ST7: variants seen among roughly 807,000 people sequenced by gnomAD.
ST7 encodes suppression of tumorigenicity 7.
A neutral mutation model predicts 78.7 loss-of-function variants in ST7; 28 were observed. That is an observed-to-expected ratio of 0.36 (90% CI 0.26 to 0.49). The LOEUF is 0.49. ST7 is among the 20% of genes least tolerant of loss of function. The pLI is 0.99. For missense variants in ST7, 418 were observed against 696.0 expected, an observed-to-expected ratio of 0.60 and a Z score of 4.49; for synonymous variants, 247 against 249.6, an observed-to-expected ratio of 0.99 and a Z score of 0.10.
intron 1 of ST7, chr7:117,015,085 T>G: frequency 2.5e-6 from 2 of 790,744 alleles, no homozygotes; most frequent in Non-Finnish European, 3.5e-6. Flanking sequence ...AATTTATATT[T>G]TAAAAACTAC....
chr7:117,106,616 C>CTTTTTTTTTTTT (rs758855564), intron 2 of ST7, among the ~76,000 whole-genome samples: 6 of 107,722 alleles, frequency 5.6e-5, no homozygotes, highest in Non-Finnish European at 7.8e-5. Context: ...TTGTATCATT[C>CTTTTTTTTTTTT]TTTTTTTTTT....
At chr7:116,988,404 G>A (rs1049140934) in intron 1 of ST7, among the ~76,000 whole-genome samples, 1 of 152,100 alleles carries the variant, frequency 6.6e-6, no homozygotes, top group South Asian at 2.1e-4. Flanking sequence ...AAACTGGTTC[G>A]CTTGAAGCCA....
chr7:117,224,593 G>A (rs1793321690), intron 15 of ST7, among the ~76,000 whole-genome samples: 1 of 152,146 alleles, frequency 6.6e-6, no homozygotes, highest in African/African-American at 2.4e-5. Flanking sequence ...GTAAAAATAT[G>A]TCATTAGTCC....
At chr7:116,999,239 A>G (rs1024697036) in intron 1 of ST7, among the ~76,000 whole-genome samples, 4 of 152,342 alleles carry the variant, frequency 2.6e-5, no homozygotes, top group African/African-American at 7.2e-5. Flanking sequence ...GAACTCTGGT[A>G]TACAAGGAAT....
chr7:117,068,585 T>C (rs2116491197), intron 1 of ST7, among the ~76,000 whole-genome samples: 1 of 152,356 alleles, frequency 6.6e-6, no homozygotes, highest in East Asian at 1.9e-4. Context: ...CTTACTCTAT[T>C]AGAAAAATGA....
intron 2 of ST7, among the ~76,000 whole-genome samples, chr7:117,112,850 A>G (rs907858603): frequency 3.3e-5 from 5 of 152,196 alleles, no homozygotes; most frequent in Admixed American, 2.6e-4. Context: ...CCTGCAGACA[A>G]TGAGAGGAAA....
chr7:117,086,712 T>C (rs766419755), intron 1 of ST7, among the ~76,000 whole-genome samples: 1 of 152,198 alleles, frequency 6.6e-6, no homozygotes, highest in Non-Finnish European at 1.5e-5. Flanking sequence ...AAAATATCAG[T>C]GCTCCAGTTT....
chr7:117,172,730 A>G (rs193568), intron 10 of ST7, among the ~76,000 whole-genome samples: 19,197 of 152,234 alleles, frequency 0.13, 2,277 homozygotes, highest in African/African-American at 0.31. Context: ...GGGTTCAGGC[A>G]GCAGTGCACT....
chr7:117,098,625 G>C (rs1801310921), intron 1 of ST7: 1 of 316,504 alleles, frequency 3.2e-6, no homozygotes, highest in Non-Finnish European at 5.9e-6. Flanking sequence ...AAAAATATTT[G>C]TTGAATGAGT....
chr7:117,097,648 AG>A (rs1349708577), intron 1 of ST7, among the ~76,000 whole-genome samples: 3 of 151,280 alleles, frequency 2.0e-5, no homozygotes, highest in African/African-American at 7.3e-5. Context: ...AAAAAATAAC[AG>A]GGAATGTGGG....
intron 3 of ST7, among the ~76,000 whole-genome samples, chr7:117,126,148 T>C (rs1803819034): frequency 6.6e-6 from 1 of 151,998 alleles, no homozygotes; most frequent in African/African-American, 2.4e-5. Context: ...GTCATGCTTA[T>C]CCATACTTTA....
chr7:117,190,225 GTC>G lies in ST7; in HGVS notation c.1152-607_1152-606del, dbSNP rs1200584801. 2 of 167,308 alleles carry G rather than the reference GTC, an allele frequency of 1.2e-5. No homozygotes were observed. The highest frequency in any genetic ancestry group is 3.8e-4 in the East Asian group (2 of 5,196). 10.4% of individuals were successfully genotyped at this position (167,308 alleles called of 1,614,324 possible). A position where few individuals can be genotyped will look rare whatever the true frequency, so the allele number is the denominator to read the frequency against. ...GGGTTGTCACAGCTTCCCCTGTGGT[GTC>G]TGCCTGCCAAGCACAGCTCTGGAGT... is the stretch of plus-strand genomic sequence containing the variant. On this transcript the variant is annotated intron_variant, in intron 11 of 15. Coordinates refer to ENST00000323984, the MANE Select transcript of ST7 (RefSeq NM_001369598.1). The surrounding 1 kb of genome is among the most constrained non-coding windows in gnomAD (Gnocchi z 5.2).
chr7:117,058,918 T>C (rs1452243135), intron 1 of ST7, among the ~76,000 whole-genome samples: 2 of 152,148 alleles, frequency 1.3e-5, no homozygotes, highest in Non-Finnish European at 2.9e-5. Context: ...TGCAGGTCAT[T>C]ATATTAAGAG....
chr7:117,040,641 T>C (rs1383211470), intron 1 of ST7, among the ~76,000 whole-genome samples: 1 of 152,238 alleles, frequency 6.6e-6, no homozygotes, highest in Non-Finnish European at 1.5e-5. Context: ...TAAGGATTCA[T>C]CTAGTGATCC....
intron 1 of ST7, among the ~76,000 whole-genome samples, chr7:117,067,156 G>A (rs1798682513): frequency 1.3e-5 from 2 of 151,670 alleles, no homozygotes; most frequent in Admixed American, 1.3e-4. Flanking sequence ...GTGAACATTT[G>A]GGTTGTTTCT....
intron 1 of ST7, among the ~76,000 whole-genome samples, chr7:116,993,638 C>T (rs567458363): frequency 9.2e-5 from 14 of 152,238 alleles, no homozygotes; most frequent in Non-Finnish European, 1.8e-4. Flanking sequence ...ATCTTGGAAA[C>T]TTCAGTGTTT....
intron 1 of ST7, among the ~76,000 whole-genome samples, chr7:117,063,149 T>G (rs1762978140): frequency 6.6e-6 from 1 of 152,226 alleles, no homozygotes; most frequent in South Asian, 2.1e-4. Context: ...TGCTTTTTTG[T>G]TTCTTTGCTT....
intron 13 of ST7, among the ~76,000 whole-genome samples, chr7:117,217,841 T>C (rs1240440620): frequency 6.6e-6 from 1 of 152,240 alleles, no homozygotes; most frequent in Non-Finnish European, 1.5e-5. Context: ...GGCAATGTGC[T>C]GTAACCTCAG....
intron 1 of ST7, among the ~76,000 whole-genome samples, chr7:117,012,816 C>G (rs922459244): frequency 6.6e-6 from 1 of 152,182 alleles, no homozygotes; most frequent in South Asian, 2.1e-4. Context: ...TCTGACTAAA[C>G]TTGGCTTTTC....
Sources: gnomAD v4.1 joint callset for allele counts (sites outside exome capture counted in the v4.1 genomes callset) on GRCh38, gnomAD v4.1.1 for gene constraint, Gnocchi (gnomAD v3.1) non-coding constraint, MANE v1.5 for transcripts, NCBI Gene and HGNC (gene_info 2026-07-23, HGNC 2026-07-21) for gene names.